IFIH1: variants seen among roughly 807,000 people sequenced by gnomAD.
The protein encoded by IFIH1 is interferon induced with helicase C domain 1, also known as interferon-induced helicase C domain-containing protein 1.
Under a neutral mutation model 107.4 loss-of-function variants are expected in IFIH1, and 125 were observed. The observed-to-expected ratio is 1.16, with a 90% CI of 1.01 to 1.35. IFIH1 has a LOEUF of 1.35. Ranked by LOEUF, IFIH1 falls within the 40% of genes most tolerant of loss-of-function variation. The pLI, the probability that IFIH1 is intolerant of heterozygous loss-of-function variation, is 0.00. For synonymous variants in IFIH1, 458 were observed against 413.2 expected (o/e 1.11, Z -1.31); for missense variants, 1,333 against 1,213.7 (o/e 1.10, Z -1.46).
chr2:162,304,485 C>T (rs924648565), intron 3 of IFIH1, among the ~76,000 whole-genome samples: 3 of 151,626 alleles, frequency 2.0e-5, no homozygotes, highest in African/African-American at 7.3e-5. Flanking sequence ...GCCCCCAGAA[C>T]CCCCAAAAAA....
chr2:162,292,077 T>C (rs756953204), intron 4 of IFIH1, among the ~76,000 whole-genome samples: 1 of 151,882 alleles, frequency 6.6e-6, no homozygotes, highest in Admixed American at 6.6e-5. Context: ...ATAGGCAAGA[T>C]GCCCTGCACA....
intron 12 of IFIH1, among the ~76,000 whole-genome samples, chr2:162,272,736 A>T (rs1691068816): frequency 6.6e-6 from 1 of 152,130 alleles, no homozygotes; most frequent in Non-Finnish European, 1.5e-5. Context: ...CTTTCTTGGT[A>T]GGAAGCTGGG....
intron 3 of IFIH1, among the ~76,000 whole-genome samples, chr2:162,304,402 C>T (rs1683244230): frequency 1.3e-5 from 2 of 152,108 alleles, no homozygotes; most frequent in Non-Finnish European, 2.9e-5. Context: ...GTCAAGGCTG[C>T]AGTGAGCTGT....
In IFIH1 at chr2:162,279,854, C is replaced by T. The variant is rs1046471465; in HGVS notation, c.1641+142G>A. On this transcript the variant is annotated intron_variant, in intron 8 of 15. Transcript: ENST00000649979. Reference sequence around the variant, plus strand: ...TTCACTGTAGTGCTTTACTGCCTAACATCAATTAAAAAAAAACCTGAAACT... The same window carrying T: ...TTCACTGTAGTGCTTTACTGCCTAATATCAATTAAAAAAAAACCTGAAACT... 4.6e-6 allele frequency: 3 copies of T among 647,438 alleles called. No individual in the cohort carries two copies. In the East Asian group the frequency reaches 8.3e-5, roughly 18 times the overall value. 40.1% of individuals were successfully genotyped at this position (647,438 alleles called of 1,614,324 possible).
intron 3 of IFIH1, 101 bp downstream of exon 3, chr2:162,306,608 C>T (rs1683283464): frequency 1.3e-6 from 1 of 753,054 alleles, no homozygotes; most frequent in African/African-American, 1.8e-5. Context: ...GTTTACTAAC[C>T]TTAATGCCCA....
chr2:162,301,781 G>A (rs746317046), intron 3 of IFIH1, among the ~76,000 whole-genome samples: 2 of 152,082 alleles, frequency 1.3e-5, no homozygotes, highest in Non-Finnish European at 2.9e-5. Flanking sequence ...GTTTCCTAGG[G>A]AAATCTGATC....
chr2:162,288,329 A>G lies in IFIH1; in HGVS notation c.901T>C (p.Ser301Pro), dbSNP rs988912608. The change falls in exon 5 of 16, where the codon TCC (serine) becomes CCC (proline). Residue 301 changes from serine to proline, a missense_variant. Ser to Pro is a moderately conservative substitution (Grantham distance 74). Transcript: ENST00000649979. The stretch of plus-strand genomic sequence containing the variant: ...CTGAGCTGGAGTTCTGGCTCCGGGG[A>G]TGCTCTTGCTGCCACATTCTCTTCA... ...SDEENVAARA[S>P]PEPELQLRPY... 1.2e-6 allele frequency: 2 copies of G among 1,612,416 alleles called. No individual in the cohort carries two copies. Among genetic ancestry groups the G allele is most frequent in the Non-Finnish European group, 1.7e-6 (2 of 1,179,120 alleles).
At position 162,295,644 on chromosome 2, in the gene IFIH1, C is replaced by T. The variant is rs554091713; in HGVS notation, c.770-1976G>A. Among the ~76,000 whole-genome samples, 7 of 152,032 alleles carry T rather than the reference C, an allele frequency of 4.6e-5. No homozygotes were observed. The East Asian group carries it at 1.4e-3, about 29-fold the overall frequency. On this transcript the variant is annotated intron_variant, in intron 3 of 15. Coordinates refer to ENST00000649979, the MANE Select transcript of IFIH1 (RefSeq NM_022168.4). Reference sequence around the variant, plus strand: ...TGAAAATACTGTGCTTATCAGTTGTCGCAGATTAGTTCTAAAACTCAGATT... The same window carrying T: ...TGAAAATACTGTGCTTATCAGTTGTTGCAGATTAGTTCTAAAACTCAGATT...
intron 3 of IFIH1, among the ~76,000 whole-genome samples, chr2:162,303,673 T>C (rs1683230714): frequency 6.6e-6 from 1 of 150,746 alleles, no homozygotes; most frequent in Non-Finnish European, 1.5e-5. Context: ...AAAAAAAAAA[T>C]AAAAAGCTTT....
At position 162,267,231 on chromosome 2, in the gene IFIH1, G is replaced by A. The variant is rs1690941678; in HGVS notation, c.3047C>T (p.Ser1016Leu). ...LPITFPNLDY[S>L]ECCLFSDED ...CTCATCACTAAATAAACAGCATTCT[G>A]AATAGTCAAGATTGGGAAATGTGAT... Residue 1016 changes from serine to leucine, a missense_variant, in exon 16 of 16, where the codon TCA becomes TTA. Physicochemically the swap from Ser to Leu is moderately radical, Grantham distance 145 (BLOSUM62 -2). Coordinates refer to ENST00000649979, the MANE Select transcript of IFIH1 (RefSeq NM_022168.4). 6.2e-7 allele frequency: 1 copy of A among 1,602,742 alleles called. No homozygotes were observed. The highest frequency in any genetic ancestry group is 8.5e-7 in the Non-Finnish European group (1 of 1,177,010).
At chr2:162,300,368 G>A (rs888430885) in intron 3 of IFIH1, among the ~76,000 whole-genome samples, 1 of 152,098 alleles carries the variant, frequency 6.6e-6, no homozygotes. Flanking sequence ...CAGATATCAT[G>A]AAAATAAATC....
At position 162,281,407 on chromosome 2, in the gene IFIH1, G is replaced by A. The variant is rs1007701005; in HGVS notation, c.1445C>T (p.Pro482Leu). The A allele has an allele frequency of 6.2e-7, 1 of 1,612,842 alleles. No homozygotes were observed. Among genetic ancestry groups the A allele is most frequent in the Non-Finnish European group, 8.5e-7 (1 of 1,179,204 alleles). The change falls in exon 7 of 16, where the codon CCT becomes CTT. Residue 482 changes from proline (P) to leucine (L), a missense_variant. Coordinates refer to ENST00000649979, the MANE Select transcript of IFIH1 (RefSeq NM_022168.4). ...TGAAGCTGTTAGTCCCAGTATCTGA[G>A]GAAGGGGAATCACTGGTTTGTTTTC... ...KKENKPVIPL[P>L]QILGLTASPG...
intron 1 of IFIH1, among the ~76,000 whole-genome samples, chr2:162,314,712 T>A (rs1683456832): frequency 6.6e-6 from 1 of 151,832 alleles, no homozygotes; most frequent in African/African-American, 2.4e-5. Context: ...ATGGTCTCCA[T>A]CTCCTGACCT....
chr2:162,277,828 A>G, intron 9 of IFIH1, 135 bp from the exon 10 acceptor site: 1 of 1,065,070 alleles, frequency 9.4e-7, no homozygotes, highest in Non-Finnish European at 1.3e-6. Context: ...TTAAGGCTCA[A>G]AATGTGTCCT....
chr2:162,309,260 T>A (rs1410206728), intron 2 of IFIH1, among the ~76,000 whole-genome samples: 1 of 152,196 alleles, frequency 6.6e-6, no homozygotes, highest in African/African-American at 2.4e-5. Context: ...AAGGGCTCCA[T>A]CCACACAGCT....
At chr2:162,277,159 G>A (rs931904167) in intron 10 of IFIH1, among the ~76,000 whole-genome samples, 6 of 152,060 alleles carry the variant, frequency 3.9e-5, no homozygotes, top group South Asian at 4.1e-4. Flanking sequence ...ACAATCTTGC[G>A]CTATATCTAA....
At chr2:162,280,221 A>G in intron 7 of IFIH1, 109 bp from the exon 8 acceptor site, 1 of 659,938 alleles carries the variant, frequency 1.5e-6, no homozygotes, top group South Asian at 1.8e-5. Context: ...ATTGTAGCAT[A>G]AATATGTGGT....
At chr2:162,284,359 C>G (rs1489390508) in intron 5 of IFIH1, among the ~76,000 whole-genome samples, 2 of 151,912 alleles carry the variant, frequency 1.3e-5, no homozygotes, top group East Asian at 3.9e-4. Flanking sequence ...TTCTTTGTAC[C>G]TTGGACAAGG....
At chr2:162,278,117 C>T in intron 9 of IFIH1, 88 bp downstream of exon 9, 1 of 1,154,154 alleles carries the variant, frequency 8.7e-7, no homozygotes, top group South Asian at 1.4e-5. Flanking sequence ...CTTTTGCTTT[C>T]CATTTTTTGG....
Sources: allele counts gnomAD v4.1 joint callset (sites outside exome capture counted in the v4.1 genomes callset), GRCh38; gene constraint gnomAD v4.1.1; transcripts MANE v1.5; gene names NCBI Gene and HGNC (gene_info 2026-07-23, HGNC 2026-07-21).